The following SRFBP1 variants were observed in gnomAD, a reference collection of about 807,000 sequenced individuals.
SRFBP1 encodes the protein serum response factor-binding protein 1.
In SRFBP1, 47 loss-of-function variants were observed where a neutral mutation model predicts 45.5. The observed-to-expected ratio is 1.03, with a 90% CI of 0.82 to 1.32. The LOEUF is 1.32. Among genes scored for constraint, SRFBP1 ranks in the 40% most tolerant of loss-of-function variants. The probability of loss-of-function intolerance (pLI) is 0.00; values close to 1 mark genes in which losing one functional copy is unlikely to be tolerated. For missense variants in SRFBP1, 621 were observed against 484.6 expected (o/e 1.28, Z -2.64); for synonymous variants, 203 against 166.3 (o/e 1.22, Z -1.70).
chr5:121,981,372 C>A (rs1752404006), intron 3 of SRFBP1, among the ~76,000 whole-genome samples: 1 of 151,998 alleles, frequency 6.6e-6, no homozygotes, highest in African/African-American at 2.4e-5. Flanking sequence ...AAAACACATT[C>A]AAATCATAAT....
In SRFBP1 at chr5:122,002,037, A is replaced by G. The variant is rs114307345; in HGVS notation, c.270+7367A>G. 7.8e-3 allele frequency among the ~76,000 whole-genome samples: 1,184 copies of G among 152,350 alleles called. 14 individuals carry two copies. The highest frequency in any genetic ancestry group is 0.027 in the African/African-American group (1,125 of 41,578). ...TATTACATATTGATTTGTCTTTAAA[A>G]TTGAATTATTTATTAAATACAACCT... On this transcript the variant is annotated intron_variant, in intron 4 of 7. Coordinates refer to ENST00000339397, the MANE Select transcript of SRFBP1 (RefSeq NM_152546.3).
intron 2 of SRFBP1, chr5:122,074,166 A>G (rs764494507): frequency 6.2e-7 from 1 of 1,611,346 alleles, no homozygotes; most frequent in Non-Finnish European, 8.5e-7. Flanking sequence ...TACTGTGGTA[A>G]TGTCTGATGT....
At chr5:121,995,712 G>A (rs1466442246) in intron 4 of SRFBP1, among the ~76,000 whole-genome samples, 14 of 151,910 alleles carry the variant, frequency 9.2e-5, no homozygotes, top group Admixed American at 2.6e-4. Flanking sequence ...CAAAAAATCA[G>A]TGAATCCAGG....
chr5:121,991,504 T>G (rs1342567444), intron 3 of SRFBP1, among the ~76,000 whole-genome samples: 2 of 152,092 alleles, frequency 1.3e-5, no homozygotes, highest in Non-Finnish European at 2.9e-5. Flanking sequence ...TGTGTGAAAT[T>G]TTCTGTAATC....
At chr5:121,971,578 G>T (rs1178283173) in intron 1 of SRFBP1, among the ~76,000 whole-genome samples, 1 of 151,988 alleles carries the variant, frequency 6.6e-6, no homozygotes, top group Non-Finnish European at 1.5e-5. Flanking sequence ...AAGCTAAAAG[G>T]AGTGATCTCA....
chr5:122,030,554 G>C (rs1278196356), downstream of SRFBP1, among the ~76,000 whole-genome samples: 1 of 151,152 alleles, frequency 6.6e-6, no homozygotes, highest in East Asian at 1.9e-4. Context: ...TGCCCAATGA[G>C]ATAAGCTTTT....
At chr5:121,969,731 C>A (rs1440891515) in intron 1 of SRFBP1, among the ~76,000 whole-genome samples, 1 of 151,992 alleles carries the variant, frequency 6.6e-6, no homozygotes, top group Non-Finnish European at 1.5e-5. Context: ...TAAATGCATT[C>A]TCTTGCTGTT....
chr5:121,986,067 T>C (rs1752511873), intron 3 of SRFBP1, among the ~76,000 whole-genome samples: 1 of 151,900 alleles, frequency 6.6e-6, no homozygotes, highest in African/African-American at 2.4e-5. Flanking sequence ...TATTAGATAA[T>C]AGTAAAAGGA....
chr5:121,985,156 G>T (rs77744185), intron 3 of SRFBP1, among the ~76,000 whole-genome samples: 14,018 of 151,780 alleles, frequency 0.092, 1,129 homozygotes, highest in African/African-American at 0.21. Flanking sequence ...AGCTTCACTG[G>T]GATGTATTGA....
intron 1 of SRFBP1, among the ~76,000 whole-genome samples, chr5:121,970,289 G>A (rs1752159343): frequency 6.6e-6 from 1 of 152,080 alleles, no homozygotes. Context: ...TAAAATTGGA[G>A]ACGAGCTTTG....
downstream of SRFBP1, chr5:122,077,372 G>C (rs780295299): frequency 3.1e-6 from 5 of 1,613,962 alleles, no homozygotes; most frequent in South Asian, 2.2e-5. This position sits in a 1 kb window ranked among gnomAD's most constrained non-coding sequence, Gnocchi z 4.9. Context: ...GAAGTAGCCA[G>C]TGCCGTATCC....
chr5:121,986,567 TG>T (rs1752523589), intron 3 of SRFBP1, among the ~76,000 whole-genome samples: 1 of 152,064 alleles, frequency 6.6e-6, no homozygotes, highest in South Asian at 2.1e-4. Flanking sequence ...ATGATCAATG[TG>T]GTTGCGATTC....
chr5:121,971,295 G>GA (rs1207037473), intron 1 of SRFBP1, among the ~76,000 whole-genome samples: 1 of 151,818 alleles, frequency 6.6e-6, no homozygotes, highest in Non-Finnish European at 1.5e-5. Flanking sequence ...TCAAGATAGG[G>GA]AAAAAAGTGG....
At chr5:122,026,696 ATTAAG>A (rs1282302554) in intron 7 of SRFBP1, among the ~76,000 whole-genome samples, 2 of 152,156 alleles carry the variant, frequency 1.3e-5, no homozygotes, top group African/African-American at 4.8e-5. Context: ...CACAGCATAA[ATTAAG>A]AGGCACTCAA....
intron 4 of SRFBP1, among the ~76,000 whole-genome samples, chr5:122,003,405 G>C (rs1752913967): frequency 6.6e-6 from 1 of 150,552 alleles, no homozygotes; most frequent in Non-Finnish European, 1.5e-5. Context: ...GTGTGCTCAG[G>C]TCTTAGACAA....
At chr5:122,006,702 A>G (rs1451851459) in intron 4 of SRFBP1, among the ~76,000 whole-genome samples, 1 of 150,138 alleles carries the variant, frequency 6.7e-6, no homozygotes, top group Non-Finnish European at 1.5e-5. Flanking sequence ...TTAAATTTTT[A>G]TTTCAGTGTA....
rs561449084 is a variant in SRFBP1 at position 121,996,862 on chromosome 5, C to T, written c.270+2192C>T. ...TACAAAAATCACAAGCATTCTTATA[C>T]ACCAACAACAGACAACCAGAGAGCC... On this transcript the variant is annotated intron_variant, in intron 4 of 7. Coordinates refer to ENST00000339397, the MANE Select transcript of SRFBP1 (RefSeq NM_152546.3). Among the ~76,000 whole-genome samples, 3 of 147,416 alleles carry T rather than the reference C, an allele frequency of 2.0e-5. No individual in the cohort carries two copies. In the South Asian group the frequency reaches 6.5e-4, roughly 32 times the overall value.
chr5:122,005,834 G>C (rs1422480144), intron 4 of SRFBP1, among the ~76,000 whole-genome samples: 2 of 151,966 alleles, frequency 1.3e-5, no homozygotes, highest in Non-Finnish European at 2.9e-5. Context: ...CCTGCATTTA[G>C]GTGTTATAAT....
At chr5:121,985,642 T>G in intron 3 of SRFBP1, among the ~76,000 whole-genome samples, 1 of 151,934 alleles carries the variant, frequency 6.6e-6, no homozygotes, top group East Asian at 1.9e-4. Flanking sequence ...CTGAGATATT[T>G]AGTGTAACAA....
Sources: gnomAD v4.1 joint callset for allele counts (sites outside exome capture counted in the v4.1 genomes callset) on GRCh38, gnomAD v4.1.1 for gene constraint, Gnocchi (gnomAD v3.1) non-coding constraint, MANE v1.5 for transcripts, NCBI Gene and HGNC (gene_info 2026-07-23, HGNC 2026-07-21) for gene names.